Variants in DRC7 observed in about 807,000 individuals in gnomAD.
DRC7 encodes the protein dynein regulatory complex subunit 7, also known as coiled-coil domain containing 135.
In DRC7, 80 loss-of-function variants were observed where a neutral mutation model predicts 104.4. That is an observed-to-expected ratio of 0.77 (90% CI 0.64 to 0.92). The LOEUF is 0.92. DRC7 is among the 40% of genes least tolerant of loss of function. DRC7 has a pLI of 0.00. For synonymous variants in DRC7, 405 were observed against 447.3 expected, an observed-to-expected ratio of 0.91 and a Z score of 1.19; for missense variants, 1,034 against 1,141.1, an observed-to-expected ratio of 0.91 and a Z score of 1.35.
chr16:57,729,300 G>A (rs2049016838), intron 17 of DRC7, among the ~76,000 whole-genome samples: 1 of 148,624 alleles, frequency 6.7e-6, no homozygotes, highest in Non-Finnish European at 1.5e-5. Context: ...ATGGATGAGT[G>A]AGTGGGTGGA....
rs1045500319 is a variant in DRC7, at chr16:57,726,097, A to G, written c.1788A>G (p.Pro596=). ...TCACAGAGCGGTTCTTCCGCAACCC[A>G]GCGAAGCCCGCGGAGGAGGACGTGG... ...VKITERFFRN[P]AKPAEEDVAE... Residue 596 remains proline, a synonymous_variant, in exon 14 of 19, where the codon CCA becomes CCG. Coordinates refer to ENST00000360716, the MANE Select transcript of DRC7 (RefSeq NM_001289162.2). 1 of 1,613,216 alleles carries G rather than the reference A, an allele frequency of 6.2e-7. No homozygotes were observed. The highest frequency in any genetic ancestry group is 1.7e-5 in the Admixed American group (1 of 59,996).
chr16:57,727,073 A>C (rs2048977837), intron 15 of DRC7, 131 bp downstream of exon 15: 3 of 669,996 alleles, frequency 4.5e-6, no homozygotes, highest in Non-Finnish European at 7.9e-6. Context: ...TGGTCCTCCC[A>C]CCTCATCCTC....
chr16:57,724,899 A>G, intron 13 of DRC7, 64 bp downstream of exon 13: 1 of 1,326,658 alleles, frequency 7.5e-7, no homozygotes, highest in East Asian at 2.5e-5. Context: ...GTCACCTCTG[A>G]ATGGTGAGAG....
At chr16:57,726,006 C>A (rs1407157445) in intron 13 of DRC7, 62 bp from the exon 14 acceptor site, 2 of 1,447,432 alleles carry the variant, frequency 1.4e-6, no homozygotes, top group Non-Finnish European at 9.5e-7. Context: ...TGCGGGCATG[C>A]ACAGAAATCT....
chr16:57,718,348 A>G lies in DRC7; in HGVS notation c.1079A>G (p.Asp360Gly). The G allele has an allele frequency of 6.2e-7, 1 of 1,613,874 alleles. No individual in the cohort carries two copies. The highest frequency in any genetic ancestry group is 8.5e-7 in the Non-Finnish European group (1 of 1,179,826). ...GTTGACTGCCCTCATCCCCAACAGG[A>G]CTTGATCTTTGACCTGGGTGACCCT... ...NMQDCWNCCKDLIFDLGDPVR... is the reference protein window; with the variant it reads ...NMQDCWNCCKGLIFDLGDPVR... The change falls in exon 9 of 19, where the codon GAC becomes GGC. Residue 360 changes from aspartate to glycine, a missense_variant and splice_region_variant. Transcript: ENST00000360716.
intron 8 of DRC7, among the ~76,000 whole-genome samples, chr16:57,717,168 A>AG (rs1399170635): frequency 2.0e-5 from 3 of 151,082 alleles, no homozygotes; most frequent in African/African-American, 7.3e-5. Flanking sequence ...AAAAAAAAAA[A>AG]GAAAAGAAAA....
intron 8 of DRC7, among the ~76,000 whole-genome samples, chr16:57,717,389 C>A: frequency 7.1e-6 from 1 of 140,280 alleles, no homozygotes. Context: ...TGCATAACAC[C>A]ATGCACTGGC....
At chr16:57,730,024 G>A (rs2049038472) in intron 17 of DRC7, among the ~76,000 whole-genome samples, 1 of 138,136 alleles carries the variant, frequency 7.2e-6, no homozygotes, top group African/African-American at 2.8e-5. Context: ...ACAGTTGGAT[G>A]GATGAGTGGA....
At chr16:57,716,292 C>T (rs1459525479) in intron 8 of DRC7, among the ~76,000 whole-genome samples, 6 of 152,198 alleles carry the variant, frequency 3.9e-5, no homozygotes, top group Non-Finnish European at 7.4e-5. Flanking sequence ...CACTTGAGGC[C>T]AGGAGTTCAA....
chr16:57,726,813 A>G lies in DRC7; in HGVS notation c.1975-19A>G, dbSNP rs980667547. On this transcript the variant is annotated intron_variant, in intron 14 of 18. Transcript: ENST00000360716. ...ATCATGGCAGCCTCTCTGTGTTACT[A>G]AGGTGGTTGTTGTCCCAGGTGGAGC... 1.6e-5 allele frequency: 24 copies of G among 1,534,338 alleles called. 1 individual carries two copies. The Admixed American group carries it at 4.1e-4, about 26-fold the overall frequency.
chr16:57,704,368 C>T (rs575554252), intron 6 of DRC7, among the ~76,000 whole-genome samples: 78 of 139,054 alleles, frequency 5.6e-4, no homozygotes, highest in African/African-American at 2.1e-3. Context: ...TTTGTAGACA[C>T]GCAAGCGTAC....
At chr16:57,710,580 G>C (rs1473959693) in intron 8 of DRC7, among the ~76,000 whole-genome samples, 1 of 152,182 alleles carries the variant, frequency 6.6e-6, no homozygotes, top group Non-Finnish European at 1.5e-5. Flanking sequence ...ATCTTACGGA[G>C]AGCATTTAGT....
intron 17 of DRC7, 49 bp from the exon 18 acceptor site, chr16:57,730,882 G>A (rs769399401): frequency 1.2e-6 from 2 of 1,601,362 alleles, no homozygotes; most frequent in Admixed American, 1.7e-5. Context: ...CAGCCTGGGT[G>A]AAGGTCAGCC....
chr16:57,699,844 G>A (rs948617654), intron 4 of DRC7, among the ~76,000 whole-genome samples: 23 of 152,144 alleles, frequency 1.5e-4, no homozygotes, highest in Non-Finnish European at 2.8e-4. Flanking sequence ...GGTTGAAGGC[G>A]GCAAAACTTC....
chr16:57,699,162 G>A (rs757272627), intron 4 of DRC7, 138 bp downstream of exon 4: 18 of 1,047,820 alleles, frequency 1.7e-5, no homozygotes, highest in East Asian at 4.9e-5. Flanking sequence ...CTAGTCTGGG[G>A]GCAACATAAA....
chr16:57,721,623 A>C (rs912449925), intron 9 of DRC7, 44 bp from the exon 10 acceptor site: 19 of 1,483,920 alleles, frequency 1.3e-5, no homozygotes, highest in Admixed American at 6.9e-5. Context: ...CTGCTTCAAC[A>C]CCCTGACCAG....
rs144341113 is a variant in DRC7, at chr16:57,717,828, A to G, written c.1078-519A>G. On this transcript the variant is annotated intron_variant, in intron 8 of 18. Transcript: ENST00000360716. Reference sequence around the variant, plus strand: ...AGTGCTGGAACTACAGGCATGAGCCACCATGCCCGGCTCTCCACCTGCATC... The same window carrying G: ...AGTGCTGGAACTACAGGCATGAGCCGCCATGCCCGGCTCTCCACCTGCATC... 9.8e-3 allele frequency among the ~76,000 whole-genome samples: 1,497 copies of G among 152,264 alleles called. 10 individuals are homozygous for G. Among genetic ancestry groups the G allele is most frequent in the African/African-American group, 0.019 (809 of 41,552 alleles).
At chr16:57,703,688 G>C (rs142158036) in intron 6 of DRC7, among the ~76,000 whole-genome samples, 1 of 152,180 alleles carries the variant, frequency 6.6e-6, no homozygotes, top group African/African-American at 2.4e-5. Flanking sequence ...GGCTGGGCAC[G>C]GTGGCTCATT....
chr16:57,706,215 C>T (rs1194562491), intron 7 of DRC7, among the ~76,000 whole-genome samples: 3 of 144,772 alleles, frequency 2.1e-5, no homozygotes, highest in African/African-American at 2.6e-5. Flanking sequence ...CACCCATCCT[C>T]CCATCCATCC....
Sources: allele counts gnomAD v4.1 joint callset (sites outside exome capture counted in the v4.1 genomes callset), GRCh38; gene constraint gnomAD v4.1.1; transcripts MANE v1.5; gene names NCBI Gene and HGNC (gene_info 2026-07-23, HGNC 2026-07-21).